Variants in PELI2 observed in about 807,000 individuals in gnomAD.
PELI2 encodes E3 ubiquitin-protein ligase pellino homolog 2.
A neutral mutation model predicts 42.3 loss-of-function variants in PELI2; 23 were observed. The observed-to-expected ratio is 0.54, with a 90% CI of 0.39 to 0.77. PELI2 has a LOEUF of 0.77. Ranked by LOEUF, PELI2 falls within the 30% of genes least tolerant of loss-of-function variation. The pLI, the probability that PELI2 is intolerant of heterozygous loss-of-function variation, is 0.00. For missense variants in PELI2, 463 were observed against 553.2 expected, an observed-to-expected ratio of 0.84 and a Z score of 1.64; for synonymous variants, 245 against 212.2, an observed-to-expected ratio of 1.15 and a Z score of -1.34.
At chr14:56,127,919 T>C (rs886936861) in intron 1 of PELI2, among the ~76,000 whole-genome samples, 2 of 152,186 alleles carry the variant, frequency 1.3e-5, no homozygotes, top group African/African-American at 4.8e-5. Flanking sequence ...TCTGTTGCTT[T>C]TATAATTTTG....
chr14:56,267,560 T>A (rs190639630), intron 2 of PELI2, among the ~76,000 whole-genome samples: 6 of 152,326 alleles, frequency 3.9e-5, no homozygotes, highest in Admixed American at 6.5e-5. Flanking sequence ...GTAATCTGCA[T>A]GTTTCCAGCA....
At chr14:56,272,642 T>A (rs956356112) in intron 2 of PELI2, among the ~76,000 whole-genome samples, 3 of 152,246 alleles carry the variant, frequency 2.0e-5, no homozygotes, top group Non-Finnish European at 4.4e-5. Context: ...TTTGAATGAT[T>A]CACAGATACT....
intron 1 of PELI2, among the ~76,000 whole-genome samples, chr14:56,165,014 A>G (rs1347296990): frequency 1.4e-5 from 2 of 142,742 alleles, no homozygotes; most frequent in African/African-American, 2.6e-5. Flanking sequence ...GATCTTTTGT[A>G]TTGTTTCTTT....
At chr14:56,118,777 C>A in intron 1 of PELI2, 40 bp downstream of exon 1, 1 of 1,353,718 alleles carries the variant, frequency 7.4e-7, no homozygotes. Flanking sequence ...GCGGCGCGGG[C>A]GGGGAGCGCC....
At chr14:56,186,977 C>A (rs1368644336) in intron 2 of PELI2, among the ~76,000 whole-genome samples, 4 of 152,054 alleles carry the variant, frequency 2.6e-5, no homozygotes, top group African/African-American at 9.7e-5. Flanking sequence ...GAATCTTCTG[C>A]TGCAAATTAA....
chr14:56,148,431 C>G (rs889876965), intron 1 of PELI2, among the ~76,000 whole-genome samples: 2 of 152,198 alleles, frequency 1.3e-5, no homozygotes, highest in African/African-American at 2.4e-5. Flanking sequence ...AGTACAGGCC[C>G]TGCCTGCATC....
chr14:56,257,503 G>C (rs1888564603), intron 2 of PELI2, among the ~76,000 whole-genome samples: 1 of 151,774 alleles, frequency 6.6e-6, no homozygotes, highest in African/African-American at 2.4e-5. Context: ...AGGTGTACTG[G>C]ACTTTCTCTT....
At chr14:56,156,851 ACTGTGCCTCT>A (rs1346295278) in intron 1 of PELI2, among the ~76,000 whole-genome samples, 1 of 152,208 alleles carries the variant, frequency 6.6e-6, no homozygotes, top group Non-Finnish European at 1.5e-5. Flanking sequence ...TAGCTCTCAA[ACTGTGCCTCT>A]CTGTGTAAGG....
At chr14:56,122,639 T>C (rs1462309324) in intron 1 of PELI2, among the ~76,000 whole-genome samples, 1 of 152,186 alleles carries the variant, frequency 6.6e-6, no homozygotes, top group Non-Finnish European at 1.5e-5. Context: ...TGTATTTTTA[T>C]TGGCTCTCTC....
At chr14:56,158,578 C>T (rs1231521056) in intron 1 of PELI2, among the ~76,000 whole-genome samples, 1 of 151,978 alleles carries the variant, frequency 6.6e-6, no homozygotes, top group East Asian at 1.9e-4. Context: ...TGGTCTTGAA[C>T]TCCTGGGTTC....
chr14:56,188,585 T>C (rs1460980077), intron 2 of PELI2, among the ~76,000 whole-genome samples: 2 of 152,248 alleles, frequency 1.3e-5, no homozygotes, highest in African/African-American at 4.8e-5. Flanking sequence ...TATTGTCGTT[T>C]CTAAATTTTT....
In PELI2 at chr14:56,211,176, G is replaced by A. The variant is rs191956819; in HGVS notation, c.207+32712G>A. Among the ~76,000 whole-genome samples the A allele has an allele frequency of 6.7e-4, 102 of 152,296 alleles. 1 individual carries two copies. The highest frequency in any genetic ancestry group is 2.3e-3 in the African/African-American group (95 of 41,562). On this transcript the variant is annotated intron_variant, in intron 2 of 5. Coordinates refer to ENST00000267460, the MANE Select transcript of PELI2 (RefSeq NM_021255.3). Reference sequence around the variant, plus strand: ...GGTCATTTGCTCCATCACCGCTGTCGAGTGCTTTGATCCCTTGAGTCAATG... The same window carrying A: ...GGTCATTTGCTCCATCACCGCTGTCAAGTGCTTTGATCCCTTGAGTCAATG...
intron 1 of PELI2, among the ~76,000 whole-genome samples, chr14:56,165,451 T>A (rs556466561): frequency 1.4e-4 from 21 of 152,292 alleles, no homozygotes; most frequent in African/African-American, 4.8e-4. Context: ...TCAAATAGCC[T>A]GTCTTCAAGC....
intron 1 of PELI2, among the ~76,000 whole-genome samples, chr14:56,145,550 T>A (rs2139611028): frequency 6.6e-6 from 1 of 152,354 alleles, no homozygotes; most frequent in African/African-American, 2.4e-5. Context: ...CAAGTTCTGC[T>A]TAGTTAGGTT....
intron 2 of PELI2, among the ~76,000 whole-genome samples, chr14:56,213,801 A>C (rs1463770750): frequency 6.6e-6 from 1 of 152,186 alleles, no homozygotes; most frequent in Non-Finnish European, 1.5e-5. Context: ...AGGATATATC[A>C]GTTTTCTGAA....
chr14:56,242,850 G>C (rs182289178), intron 2 of PELI2, among the ~76,000 whole-genome samples: 135 of 152,206 alleles, frequency 8.9e-4, no homozygotes, highest in African/African-American at 3.1e-3. Flanking sequence ...GGGGATTCAG[G>C]GGGGAAGAGA....
At chr14:56,213,029 G>A (rs1359954926) in intron 2 of PELI2, among the ~76,000 whole-genome samples, 1 of 152,196 alleles carries the variant, frequency 6.6e-6, no homozygotes, top group Non-Finnish European at 1.5e-5. Flanking sequence ...GGATGGCAGG[G>A]GCCCTTTCCT....
chr14:56,205,078 G>A (rs1886469815), intron 2 of PELI2, among the ~76,000 whole-genome samples: 1 of 152,012 alleles, frequency 6.6e-6, no homozygotes, highest in Non-Finnish European at 1.5e-5. Flanking sequence ...CAGGTAGTGG[G>A]TAGCAGACTC....
intron 2 of PELI2, among the ~76,000 whole-genome samples, chr14:56,251,090 C>T (rs1355016948): frequency 6.6e-6 from 1 of 152,178 alleles, no homozygotes; most frequent in Non-Finnish European, 1.5e-5. Flanking sequence ...CCTGGGGGCA[C>T]CATCTCCCAG....
Sources: gnomAD v4.1 joint callset for allele counts (sites outside exome capture counted in the v4.1 genomes callset) on GRCh38, gnomAD v4.1.1 for gene constraint, MANE v1.5 for transcripts, NCBI Gene and HGNC (gene_info 2026-07-23, HGNC 2026-07-21) for gene names.